Variants in KIAA1217 observed in about 807,000 individuals in gnomAD.
The protein encoded by KIAA1217 is KIAA1217.
KIAA1217 carries 88 observed loss-of-function variants against 163.9 expected under a neutral mutation model. The observed-to-expected ratio is 0.54, with a 90% CI of 0.45 to 0.64. The LOEUF is 0.64. Among genes scored for constraint, KIAA1217 ranks in the 30% least tolerant of loss-of-function variants. The probability of loss-of-function intolerance (pLI) is 0.00; values close to 1 mark genes in which losing one functional copy is unlikely to be tolerated. For missense variants in KIAA1217, 2,372 were observed against 2,475.0 expected, an observed-to-expected ratio of 0.96 and a Z score of 0.88; for synonymous variants, 903 against 923.1, an observed-to-expected ratio of 0.98 and a Z score of 0.39.
rs755613792 is a variant in KIAA1217 at position 24,456,705 on chromosome 10, C to CTT, written c.847-16509_847-16508dup. Among the ~76,000 whole-genome samples, 560 of 141,180 alleles carry CTT rather than the reference C, an allele frequency of 4.0e-3. 18 individuals carry two copies. The highest frequency in any genetic ancestry group is 1.9e-3 in the East Asian group (9 of 4,848). 92.6% of individuals were successfully genotyped at this position (141,180 alleles called of 152,430 possible). ...TACTGATTGATGAGGAGGATTAAAC[C>CTT]TTTTTTTTTTTTTTTGAGACAGAGT... On this transcript the variant is annotated intron_variant, in intron 5 of 20. Coordinates refer to ENST00000376454, the MANE Select transcript of KIAA1217 (RefSeq NM_019590.5).
rs184388753 is a variant in KIAA1217, at chr10:23,703,262, G to C, written c.-321+8028G>C. On this transcript the variant is annotated intron_variant, in intron 1 of 18. Transcript: ENST00000376462. ...TGTCCCAGCAAAGAAAGTGCAGTGT[G>C]GGAGTGGTGGAGGGAGGATCAGAGA... Among the ~76,000 whole-genome samples the C allele has an allele frequency of 1.4e-4, 22 of 152,272 alleles. No homozygotes were observed. The East Asian group carries it at 3.9e-3, about 27-fold the overall frequency.
rs1406205440 is a variant in KIAA1217 at position 23,861,764 on chromosome 10, A to C, written c.-320-145461A>C. 2.6e-5 allele frequency among the ~76,000 whole-genome samples: 4 copies of C among 152,146 alleles called. No individual in the cohort carries two copies. In the East Asian group the frequency reaches 7.7e-4, roughly 29 times the overall value. On this transcript the variant is annotated intron_variant, in intron 1 of 18. Transcript: ENST00000376462. Reference sequence around the variant, plus strand: ...GAATTTGGACCTCAGTCCTGCAACTACATGAAGCAAATTTTTTTCAGCAGA... The same window carrying C: ...GAATTTGGACCTCAGTCCTGCAACTCCATGAAGCAAATTTTTTTCAGCAGA...
intron 3 of KIAA1217, among the ~76,000 whole-genome samples, chr10:24,387,839 A>G (rs2054230739): frequency 6.6e-6 from 1 of 151,990 alleles, no homozygotes; most frequent in Admixed American, 6.5e-5. Context: ...TAGGAATCCA[A>G]CTTACAAGGG....
At chr10:24,022,623 T>A (rs1847782567) in intron 2 of KIAA1217, among the ~76,000 whole-genome samples, 1 of 151,714 alleles carries the variant, frequency 6.6e-6, no homozygotes, top group Admixed American at 6.6e-5. Context: ...TTATCCAAAT[T>A]AGTTGAAAAC....
chr10:24,016,315 T>C (rs1391330731), intron 2 of KIAA1217, among the ~76,000 whole-genome samples: 1 of 152,180 alleles, frequency 6.6e-6, no homozygotes, highest in Non-Finnish European at 1.5e-5. Context: ...TGTATTCTTA[T>C]ATTTATATTT....
intron 1 of KIAA1217, among the ~76,000 whole-genome samples, chr10:23,726,652 C>T (rs1264370104): frequency 6.6e-6 from 1 of 152,052 alleles, no homozygotes; most frequent in African/African-American, 2.4e-5. Context: ...GCAATCTACT[C>T]ATCTGACAAA....
intron 2 of KIAA1217, among the ~76,000 whole-genome samples, chr10:24,297,747 C>G (rs190125879): frequency 1.6e-4 from 24 of 152,010 alleles, no homozygotes; most frequent in African/African-American, 5.8e-4. Flanking sequence ...CAGAACAAGA[C>G]TCTGTCTCAA....
intron 5 of KIAA1217, among the ~76,000 whole-genome samples, chr10:24,447,763 G>A (rs775657026): frequency 2.0e-5 from 3 of 152,136 alleles, no homozygotes; most frequent in Non-Finnish European, 2.9e-5. Context: ...AATGTATCCC[G>A]CTATTGGCCA....
At chr10:23,733,106 C>A (rs1838568668) in intron 1 of KIAA1217, among the ~76,000 whole-genome samples, 1 of 151,958 alleles carries the variant, frequency 6.6e-6, no homozygotes, top group South Asian at 2.1e-4. Context: ...ATTCACCTCC[C>A]AGGTTCAAGT....
In KIAA1217 at chr10:24,029,018, A is replaced by G. The variant is rs550049748; in HGVS notation, c.-171+21644A>G. 1.4e-4 allele frequency among the ~76,000 whole-genome samples: 21 copies of G among 152,322 alleles called. No individual in the cohort carries two copies. The South Asian group carries it at 4.1e-3, about 30-fold the overall frequency. Reference sequence around the variant, plus strand: ...TAAAAGAGATGTCCAGTAAGTGGGAAGAAATACAGGGAGCCAAGGGCTGTG... The same window carrying G: ...TAAAAGAGATGTCCAGTAAGTGGGAGGAAATACAGGGAGCCAAGGGCTGTG... On this transcript the variant is annotated intron_variant, in intron 2 of 18. Transcript: ENST00000376462.
At chr10:24,372,292 TTAAGAACACA>T (rs1030051476) in intron 2 of KIAA1217, among the ~76,000 whole-genome samples, 3 of 152,018 alleles carry the variant, frequency 2.0e-5, no homozygotes, top group African/African-American at 7.2e-5. Flanking sequence ...GAAAGAAACG[TTAAGAACACA>T]TAAGAAAACA....
chr10:23,828,320 A>G (rs1340187756), intron 1 of KIAA1217, among the ~76,000 whole-genome samples: 1 of 152,128 alleles, frequency 6.6e-6, no homozygotes, highest in East Asian at 1.9e-4. Context: ...TGATACAGCA[A>G]TAGCAGATGG....
chr10:23,714,410 T>G (rs1253637611), intron 1 of KIAA1217, among the ~76,000 whole-genome samples: 1 of 152,058 alleles, frequency 6.6e-6, no homozygotes, highest in Admixed American at 6.6e-5. Context: ...GGATGAGAAC[T>G]TGGGCAAATT....
chr10:23,740,349 T>G (rs775942024), intron 1 of KIAA1217, among the ~76,000 whole-genome samples: 3 of 152,166 alleles, frequency 2.0e-5, no homozygotes, highest in South Asian at 2.1e-4. Flanking sequence ...GGTTATGTCA[T>G]GTAAGCACGT....
At chr10:24,059,463 T>C (rs2060638393) in intron 2 of KIAA1217, among the ~76,000 whole-genome samples, 2 of 152,194 alleles carry the variant, frequency 1.3e-5, no homozygotes, top group African/African-American at 2.4e-5. Flanking sequence ...ATTAATTCTT[T>C]TTTAAATTTT....
At chr10:24,273,421 AT>A (rs371077565) in intron 2 of KIAA1217, among the ~76,000 whole-genome samples, 4,159 of 152,192 alleles carry the variant, frequency 0.027, 86 homozygotes, top group Non-Finnish European at 0.04. Context: ...TTACATTATT[AT>A]TTTTATGTTC....
chr10:23,696,564 A>G (rs761293121), intron 1 of KIAA1217, among the ~76,000 whole-genome samples: 1 of 152,150 alleles, frequency 6.6e-6, no homozygotes, highest in Non-Finnish European at 1.5e-5. Flanking sequence ...GGGCCCAACT[A>G]TGTATGTGCC....
chr10:23,946,341 T>C (rs1266908793), intron 1 of KIAA1217, among the ~76,000 whole-genome samples: 2 of 149,180 alleles, frequency 1.3e-5, no homozygotes, highest in African/African-American at 2.5e-5. Context: ...ATTTGGCATA[T>C]AGGAAAAAAA....
intron 2 of KIAA1217, among the ~76,000 whole-genome samples, chr10:24,117,057 G>GGGA (rs397935498): frequency 6.6e-6 from 1 of 151,606 alleles, no homozygotes; most frequent in African/African-American, 2.4e-5. Context: ...GGTGGGGGGG[G>GGGA]ATGGAGTTTT....
Sources: allele counts gnomAD v4.1 joint callset (sites outside exome capture counted in the v4.1 genomes callset), GRCh38; gene constraint gnomAD v4.1.1; transcripts MANE v1.5; gene names NCBI Gene and HGNC (gene_info 2026-07-23, HGNC 2026-07-21).